RBFOX1: variants seen among roughly 807,000 people sequenced by gnomAD.
RBFOX1 encodes RNA binding fox-1 homolog 1, also known as RNA binding protein fox-1 homolog 1.
RBFOX1 carries 8 observed loss-of-function variants against 57.7 expected under a neutral mutation model. The observed-to-expected ratio is 0.14, with a 90% CI of 0.08 to 0.25. The LOEUF (loss-of-function observed/expected upper bound fraction) is 0.25, where lower values mean the gene tolerates loss of function less well. Among genes scored for constraint, RBFOX1 ranks in the 10% least tolerant of loss-of-function variants. The pLI is 1.00. For synonymous variants in RBFOX1, 326 were observed against 222.4 expected (o/e 1.47, Z -4.15); for missense variants, 611 against 548.5 (o/e 1.11, Z -1.14).
At chr16:5,479,817 A>T (rs2069462544) in intron 2 of RBFOX1, among the ~76,000 whole-genome samples, 1 of 151,408 alleles carries the variant, frequency 6.6e-6, no homozygotes, top group South Asian at 2.1e-4. Context: ...TGGTGGTCAG[A>T]CGTGTCCTTG....
At chr16:5,986,762 A>G (rs2060294389) in intron 4 of RBFOX1, among the ~76,000 whole-genome samples, 1 of 152,190 alleles carries the variant, frequency 6.6e-6, no homozygotes, top group Non-Finnish European at 1.5e-5. Context: ...GAATATACAC[A>G]GTTGCACTGT....
At chr16:6,984,119 C>A (rs1044941753) in intron 3 of RBFOX1, among the ~76,000 whole-genome samples, 1 of 152,098 alleles carries the variant, frequency 6.6e-6, no homozygotes, top group Non-Finnish European at 1.5e-5. Context: ...TGATGGCAGG[C>A]GCTTGTAATC....
chr16:6,417,898 C>G (rs147002578), intron 2 of RBFOX1, among the ~76,000 whole-genome samples: 2 of 152,078 alleles, frequency 1.3e-5, no homozygotes, highest in Middle Eastern at 3.4e-3. Context: ...GAACTTTCTT[C>G]TGAGAAAGGA....
intron 2 of RBFOX1, among the ~76,000 whole-genome samples, chr16:6,592,418 C>T (rs549283114): frequency 3.3e-5 from 5 of 152,098 alleles, no homozygotes; most frequent in Non-Finnish European, 5.9e-5. Context: ...AATACAGGAA[C>T]AAGAGTGTCA....
intron 3 of RBFOX1, among the ~76,000 whole-genome samples, chr16:5,662,430 G>T (rs560675345): frequency 6.6e-6 from 1 of 152,138 alleles, no homozygotes; most frequent in Non-Finnish European, 1.5e-5. Flanking sequence ...ATCACTTTCA[G>T]ACACGTTCTG....
intron 1 of RBFOX1, among the ~76,000 whole-genome samples, chr16:6,133,173 G>T (rs551100825): frequency 6.6e-6 from 1 of 152,064 alleles, no homozygotes; most frequent in East Asian, 1.9e-4. Context: ...TTCTCTTGGG[G>T]CTCTCTATAA....
intron 1 of RBFOX1, among the ~76,000 whole-genome samples, chr16:6,167,901 A>G (rs893145766): frequency 7.9e-5 from 12 of 152,148 alleles, no homozygotes; most frequent in African/African-American, 2.7e-4. Flanking sequence ...CCTTTTAAAA[A>G]TTTTTGCCTA....
intron 3 of RBFOX1, among the ~76,000 whole-genome samples, chr16:6,810,482 C>T (rs114024857): frequency 0.019 from 2,877 of 152,090 alleles, 84 homozygotes; most frequent in African/African-American, 0.066. Flanking sequence ...TTCATGGCAC[C>T]GTTCATGAGT....
intron 1 of RBFOX1, among the ~76,000 whole-genome samples, chr16:5,456,079 A>G (rs2068622078): frequency 1.3e-5 from 2 of 152,158 alleles, no homozygotes; most frequent in African/African-American, 4.8e-5. Flanking sequence ...AATAAAGACA[A>G]CTAATGATAA....
chr16:7,080,821 T>A (rs2059077375), intron 4 of RBFOX1, among the ~76,000 whole-genome samples: 1 of 152,222 alleles, frequency 6.6e-6, no homozygotes, highest in Non-Finnish European at 1.5e-5. Context: ...ACTGGCCTTT[T>A]CGCTGTCACT....
intron 1 of RBFOX1, among the ~76,000 whole-genome samples, chr16:5,325,135 T>C (rs1284440600): frequency 6.6e-6 from 1 of 152,218 alleles, no homozygotes; most frequent in African/African-American, 2.4e-5. Flanking sequence ...TAAGAAGCGC[T>C]GCTCTACAAC....
intron 11 of RBFOX1, among the ~76,000 whole-genome samples, chr16:7,639,547 C>G (rs2062398809): frequency 6.6e-6 from 1 of 152,092 alleles, no homozygotes; most frequent in Admixed American, 6.5e-5. Flanking sequence ...TGAAGATACT[C>G]TCAAGTTGGC....
intron 1 of RBFOX1, among the ~76,000 whole-genome samples, chr16:6,268,296 G>A (rs2074781258): frequency 6.6e-6 from 1 of 152,160 alleles, no homozygotes; most frequent in Admixed American, 6.5e-5. Flanking sequence ...TATGGAGCAG[G>A]TCGAATGGAG....
intron 3 of RBFOX1, among the ~76,000 whole-genome samples, chr16:6,851,335 A>G (rs1349250568): frequency 6.6e-6 from 1 of 152,026 alleles, no homozygotes; most frequent in African/African-American, 2.4e-5. Context: ...TCTGTGGACT[A>G]TTTTTTGTCC....
chr16:5,380,646 A>T (rs372350589), intron 1 of RBFOX1, among the ~76,000 whole-genome samples: 13 of 152,196 alleles, frequency 8.5e-5, no homozygotes, highest in African/African-American at 3.1e-4. Context: ...ATTACATTTC[A>T]TCCTTAAACA....
chr16:5,410,285 C>T (rs992920428), intron 1 of RBFOX1, among the ~76,000 whole-genome samples: 17 of 151,648 alleles, frequency 1.1e-4, no homozygotes, highest in Admixed American at 3.3e-4. Flanking sequence ...GCAGGAGAAT[C>T]ACCTGTGCCC....
chr16:5,646,322 G>A (rs941042246), intron 3 of RBFOX1, among the ~76,000 whole-genome samples: 1 of 151,712 alleles, frequency 6.6e-6, no homozygotes, highest in Non-Finnish European at 1.5e-5. Flanking sequence ...ACTGTGTTGT[G>A]GAGATAGGGT....
intron 4 of RBFOX1, among the ~76,000 whole-genome samples, chr16:5,976,002 G>A (rs1411879482): frequency 1.3e-5 from 2 of 151,984 alleles, no homozygotes; most frequent in African/African-American, 4.8e-5. Context: ...AAATTAGCCG[G>A]ATGTGGTGGC....
intron 4 of RBFOX1, among the ~76,000 whole-genome samples, chr16:7,131,354 TTTTTTTTTTTA>T (rs1373542269): frequency 6.4e-4 from 95 of 147,368 alleles, no homozygotes; most frequent in Middle Eastern, 3.5e-3. Context: ...TTTTTTTTTT[TTTTTTTTTTTA>T]AAAAAAAAAA....
Sources: gnomAD v4.1 joint callset for allele counts (sites outside exome capture counted in the v4.1 genomes callset) on GRCh38, gnomAD v4.1.1 for gene constraint, MANE v1.5 for transcripts, NCBI Gene and HGNC (gene_info 2026-07-23, HGNC 2026-07-21) for gene names.